Variants in ELMOD1 observed in about 807,000 individuals in gnomAD.
The protein encoded by ELMOD1 is ELMO domain containing 1.
In ELMOD1, 21 loss-of-function variants were observed where a neutral mutation model predicts 46.7. That is an observed-to-expected ratio of 0.45 (90% CI 0.32 to 0.65). ELMOD1 has a LOEUF of 0.65. Ranked by LOEUF, ELMOD1 falls within the 30% of genes least tolerant of loss-of-function variation. ELMOD1 has a pLI of 0.04. For synonymous variants in ELMOD1, 122 were observed against 138.2 expected, an observed-to-expected ratio of 0.88 and a Z score of 0.82; for missense variants, 348 against 407.8, an observed-to-expected ratio of 0.85 and a Z score of 1.26.
chr11:107,658,894 C>T (rs1262914641), intron 11 of ELMOD1, among the ~76,000 whole-genome samples: 1 of 152,180 alleles, frequency 6.6e-6, no homozygotes, highest in Non-Finnish European at 1.5e-5. Flanking sequence ...GAGATTGTGC[C>T]ACTGCACTCC....
In ELMOD1 at chr11:107,630,490, C is replaced by T; in HGVS notation, c.91C>T (p.Leu31=). The T allele has an allele frequency of 1.9e-6, 3 of 1,608,740 alleles. No homozygotes were observed. The highest frequency in any genetic ancestry group is 1.1e-5 in the South Asian group (1 of 89,778). The part of the protein sequence containing the change: ...WRCLKFVMRK[L]TGRCELQRIC... ...CTGCCTGAAATTTGTAATGAGGAAGCTAACTGGAAGATGTGAACTACAACG... is the reference window on the plus strand; with the variant it reads ...CTGCCTGAAATTTGTAATGAGGAAGTTAACTGGAAGATGTGAACTACAACG... Residue 31 remains leucine, a synonymous_variant, in exon 3 of 12, where the codon CTA becomes TTA. Coordinates refer to ENST00000265840, the MANE Select transcript of ELMOD1 (RefSeq NM_018712.4).
intron 5 of ELMOD1, among the ~76,000 whole-genome samples, chr11:107,635,185 A>G (rs1202663522): frequency 6.6e-6 from 1 of 152,162 alleles, no homozygotes; most frequent in Admixed American, 6.5e-5. Flanking sequence ...GGTAATTCTG[A>G]TATGACCACC....
intron 9 of ELMOD1, among the ~76,000 whole-genome samples, chr11:107,651,144 T>C (rs1193886645): frequency 3.3e-5 from 5 of 152,214 alleles, no homozygotes; most frequent in Non-Finnish European, 5.9e-5. Context: ...GGAACCTGGT[T>C]GGAGAAACAT....
chr11:107,657,556 G>A (rs949818431), intron 11 of ELMOD1, among the ~76,000 whole-genome samples: 7 of 152,118 alleles, frequency 4.6e-5, no homozygotes, highest in Admixed American at 2.6e-4. Context: ...TCAAAGTTAA[G>A]AGAATATCTT....
At chr11:107,602,560 G>A (rs1865618257) in intron 1 of ELMOD1, among the ~76,000 whole-genome samples, 1 of 151,854 alleles carries the variant, frequency 6.6e-6, no homozygotes, top group South Asian at 2.1e-4. Flanking sequence ...TTTCATTTCA[G>A]ACACTTTTAT....
At chr11:107,599,908 T>C (rs1278584054) in intron 1 of ELMOD1, among the ~76,000 whole-genome samples, 2 of 152,130 alleles carry the variant, frequency 1.3e-5, no homozygotes, top group African/African-American at 4.8e-5. Flanking sequence ...TTTCATAGTC[T>C]TCCAAAGCTA....
intron 8 of ELMOD1, 94 bp downstream of exon 8, chr11:107,650,497 G>A: frequency 1.1e-6 from 1 of 947,716 alleles, no homozygotes; most frequent in Non-Finnish European, 1.6e-6. Context: ...ATTCTCAGGA[G>A]AGTGAGGCTC....
chr11:107,595,073 T>C (rs1286069496), intron 1 of ELMOD1, among the ~76,000 whole-genome samples: 4 of 152,152 alleles, frequency 2.6e-5, no homozygotes, highest in African/African-American at 9.7e-5. Context: ...CAGTTACTCA[T>C]TTCTTGAAGA....
intron 11 of ELMOD1, among the ~76,000 whole-genome samples, chr11:107,656,861 A>G (rs1379400071): frequency 1.3e-5 from 2 of 152,030 alleles, no homozygotes; most frequent in East Asian, 1.9e-4. Context: ...TTAAGTTGAA[A>G]CTCTCCTAGA....
intron 11 of ELMOD1, among the ~76,000 whole-genome samples, chr11:107,657,204 T>A (rs1458791613): frequency 3.3e-5 from 5 of 152,198 alleles, no homozygotes; most frequent in Admixed American, 3.3e-4. Flanking sequence ...GACATTGGAC[T>A]TCTCAACAGC....
chr11:107,650,895 A>G lies in ELMOD1; in HGVS notation c.634A>G (p.Lys212Glu), dbSNP rs1267578298. Residue 212 changes from lysine (K) to glutamate (E), a missense_variant, in exon 9 of 12, where the codon AAA becomes GAA. Lys to Glu is a moderately conservative substitution (Grantham distance 56). Coordinates refer to ENST00000265840, the MANE Select transcript of ELMOD1 (RefSeq NM_018712.4). The stretch of plus-strand genomic sequence containing the variant: ...TTTGATTACATGAAGGGATATCACT[A>G]AAGAAGAAATAAGGTATTTTTTCTT... The part of the protein sequence containing the change: ...SLHPKCRDIT[K>E]EEISKFSKAE... 2 of 1,120,106 alleles carry G rather than the reference A, an allele frequency of 1.8e-6. No homozygotes were observed. Among genetic ancestry groups the G allele is most frequent in the Admixed American group, 3.8e-5 (1 of 26,266 alleles). The allele number at this position is 1,120,106 out of a possible 1,614,324, so 69.4% of individuals were successfully genotyped here.
intron 1 of ELMOD1, among the ~76,000 whole-genome samples, chr11:107,612,021 A>G (rs1007777041): frequency 1.3e-5 from 2 of 152,232 alleles, no homozygotes; most frequent in Non-Finnish European, 2.9e-5. Context: ...TGTTGGGTAT[A>G]TATCCAAAAG....
chr11:107,629,806 G>A (rs922973877), intron 2 of ELMOD1, among the ~76,000 whole-genome samples: 1 of 152,094 alleles, frequency 6.6e-6, no homozygotes, highest in African/African-American at 2.4e-5. Context: ...TGATGAGAAG[G>A]GCTTCTGACA....
Position 107,621,079 on chromosome 11 carries a change from C to T in ELMOD1, c.17+2873C>T, listed in dbSNP as rs149687756. On this transcript the variant is annotated intron_variant, in intron 2 of 11. Transcript: ENST00000265840. ...AACTTGTGCTGAAGATCATTTCCCT[C>T]GTTGGGATTTAGTTATTGAGGTTAT... 3.8e-3 allele frequency among the ~76,000 whole-genome samples: 579 copies of T among 152,266 alleles called. 3 individuals carry two copies. The highest frequency in any genetic ancestry group is 0.012 in the African/African-American group (490 of 41,554).
chr11:107,611,013 A>AAAG (rs1555061114), intron 1 of ELMOD1, among the ~76,000 whole-genome samples: 92 of 150,554 alleles, frequency 6.1e-4, no homozygotes, highest in Admixed American at 1.9e-3. Flanking sequence ...AAAAAAAAAA[A>AAAG]AAAAGAAAAC....
intron 1 of ELMOD1, among the ~76,000 whole-genome samples, chr11:107,604,930 T>C (rs922384056): frequency 1.3e-5 from 2 of 152,250 alleles, no homozygotes; most frequent in African/African-American, 4.8e-5. Flanking sequence ...CAGATGTTTC[T>C]AGATAAATGT....
chr11:107,605,119 G>A (rs2135658018), intron 1 of ELMOD1, among the ~76,000 whole-genome samples: 1 of 151,860 alleles, frequency 6.6e-6, no homozygotes, highest in Non-Finnish European at 1.5e-5. Flanking sequence ...GATGATTTTG[G>A]GGGCAAAACA....
rs183445364 is a variant in ELMOD1 at position 107,612,750 on chromosome 11, G to A, written c.-85-5355G>A. Among the ~76,000 whole-genome samples the A allele has an allele frequency of 1.2e-4, 19 of 152,244 alleles. No homozygotes were observed. The East Asian group carries it at 2.9e-3, about 23-fold the overall frequency. On this transcript the variant is annotated intron_variant, in intron 1 of 11. Transcript: ENST00000265840. ...CAGCAAATAGAACATTAACAAGTGG[G>A]TCTCCTTTAAAACAAAGCTACTTGA...
intron 11 of ELMOD1, among the ~76,000 whole-genome samples, chr11:107,661,208 G>GC (rs1866734623): frequency 6.6e-6 from 1 of 152,144 alleles, no homozygotes. Flanking sequence ...TTGTGAGCCA[G>GC]CCCCTCCTCT....
Sources: gnomAD v4.1 joint callset for allele counts (sites outside exome capture counted in the v4.1 genomes callset) on GRCh38, gnomAD v4.1.1 for gene constraint, MANE v1.5 for transcripts, NCBI Gene and HGNC (gene_info 2026-07-23, HGNC 2026-07-21) for gene names.